Variants in STAU2 observed in about 807,000 individuals in gnomAD.
The protein encoded by STAU2 is staufen double-stranded RNA binding protein 2.
A neutral mutation model predicts 65.9 loss-of-function variants in STAU2; 20 were observed. The ratio of observed to expected loss-of-function variants is 0.30; its 90% CI spans 0.21 to 0.44. The LOEUF is 0.44. Among genes scored for constraint, STAU2 ranks in the 20% least tolerant of loss-of-function variants. The pLI, the probability that STAU2 is intolerant of heterozygous loss-of-function variation, is 1.00. For missense variants in STAU2, 558 were observed against 683.9 expected (o/e 0.82, Z 2.05); for synonymous variants, 232 against 233.9 (o/e 0.99, Z 0.07).
At chr8:73,524,512 G>A (rs1438211907) in intron 13 of STAU2, among the ~76,000 whole-genome samples, 1 of 152,124 alleles carries the variant, frequency 6.6e-6, no homozygotes, top group Non-Finnish European at 1.5e-5. Flanking sequence ...TACAGCAAAT[G>A]AATGCACCAG....
chr8:73,638,048 T>A (rs1260894940), intron 6 of STAU2, among the ~76,000 whole-genome samples: 1 of 152,012 alleles, frequency 6.6e-6, no homozygotes, highest in Non-Finnish European at 1.5e-5. Flanking sequence ...TATTACAGAA[T>A]GATACTTTCT....
chr8:73,590,787 T>G (rs1810718316), intron 11 of STAU2: 1 of 152,506 alleles, frequency 6.6e-6, no homozygotes, highest in Admixed American at 6.5e-5. Flanking sequence ...GGCCCTCAAG[T>G]TCATTAAGAA....
At chr8:73,473,501 C>T (rs1011038289) in intron 13 of STAU2, among the ~76,000 whole-genome samples, 2 of 152,184 alleles carry the variant, frequency 1.3e-5, no homozygotes, top group East Asian at 3.9e-4. Flanking sequence ...GCCTCAAGTC[C>T]AAGCAATGTG....
chr8:73,650,869 TAGA>T lies in STAU2; in HGVS notation c.410+22235_410+22237del, dbSNP rs569163096. On this transcript the variant is annotated intron_variant, in intron 6 of 14. Coordinates refer to ENST00000524300, the MANE Select transcript of STAU2 (RefSeq NM_001164380.2). ...AGACTCTGAAAATAAAGGGCAATAA[TAGA>T]AGAACAGAAAAATATATATGTAAGG... Among the ~76,000 whole-genome samples the T allele has an allele frequency of 1.3e-3, 197 of 152,258 alleles. 2 individuals carry two copies. Among genetic ancestry groups the T allele is most frequent in the Non-Finnish European group, 2.3e-3 (155 of 68,010 alleles).
chr8:73,737,095 G>A (rs1331883369), intron 3 of STAU2, among the ~76,000 whole-genome samples: 1 of 152,060 alleles, frequency 6.6e-6, no homozygotes, highest in African/African-American at 2.4e-5. Flanking sequence ...TTGATCTCCT[G>A]ATCTCAGGTG....
chr8:73,741,300 G>C (rs1400251069), intron 1 of STAU2, among the ~76,000 whole-genome samples: 1 of 73,282 alleles, frequency 1.4e-5, no homozygotes, highest in Non-Finnish European at 2.4e-5. Flanking sequence ...GCAAGACTCC[G>C]TCTCAAAAAA....
At chr8:73,729,907 T>C (rs1805924511) in intron 3 of STAU2, among the ~76,000 whole-genome samples, 2 of 152,226 alleles carry the variant, frequency 1.3e-5, no homozygotes, top group African/African-American at 4.8e-5. Context: ...GTTTTAGTTA[T>C]ACCTATCTGT....
chr8:73,424,201 C>CTTTT lies in STAU2; in HGVS notation c.1531-1503_1531-1500dup, dbSNP rs59063960. 4.6e-3 allele frequency among the ~76,000 whole-genome samples: 526 copies of CTTTT among 115,274 alleles called. 20 individuals carry two copies. The highest frequency in any genetic ancestry group is 0.017 in the African/African-American group (484 of 28,964). The allele number at this position is 115,274 out of a possible 152,430, so 75.6% of individuals were successfully genotyped here. ...ATGTATATTTGAAGCTCCTCTATGT[C>CTTTT]TTTTTTTTTTTTTTTTTTTGACTGA... On this transcript the variant is annotated intron_variant, in intron 13 of 14. Transcript: ENST00000524300.
intron 12 of STAU2, among the ~76,000 whole-genome samples, chr8:73,575,866 A>G (rs1330569447): frequency 6.6e-6 from 1 of 152,126 alleles, no homozygotes; most frequent in Non-Finnish European, 1.5e-5. Flanking sequence ...TGGCCACTGC[A>G]CTAATGAGGA....
intron 13 of STAU2, among the ~76,000 whole-genome samples, chr8:73,535,126 C>T (rs925144915): frequency 2.2e-4 from 34 of 151,958 alleles, no homozygotes; most frequent in African/African-American, 6.5e-4. Flanking sequence ...AACATTCTTA[C>T]TGTAAGTGAC....
intron 13 of STAU2, among the ~76,000 whole-genome samples, chr8:73,475,418 G>C (rs1006911642): frequency 6.6e-6 from 1 of 152,076 alleles, no homozygotes; most frequent in African/African-American, 2.4e-5. Flanking sequence ...GATTTGCTTC[G>C]AGGCTTTGCA....
chr8:73,449,821 G>A (rs184898399), intron 13 of STAU2, among the ~76,000 whole-genome samples: 5 of 152,184 alleles, frequency 3.3e-5, no homozygotes, highest in East Asian at 1.9e-4. Context: ...GGGGTGAGGC[G>A]GGGAGACACC....
intron 4 of STAU2, among the ~76,000 whole-genome samples, chr8:73,703,052 GAAAAT>G (rs1442691017): frequency 6.6e-6 from 1 of 152,158 alleles, no homozygotes; most frequent in African/African-American, 2.4e-5. Context: ...AAGAAATAGA[GAAAAT>G]AAAATAGAGA....
chr8:73,600,591 C>G (rs1811566374), intron 10 of STAU2, among the ~76,000 whole-genome samples: 1 of 152,226 alleles, frequency 6.6e-6, no homozygotes, highest in Non-Finnish European at 1.5e-5. Flanking sequence ...GTTCCCCCAG[C>G]TTCATCAGTC....
intron 13 of STAU2, among the ~76,000 whole-genome samples, chr8:73,542,763 G>A (rs896393004): frequency 6.6e-6 from 1 of 152,056 alleles, no homozygotes; most frequent in African/African-American, 2.4e-5. Context: ...ATATCAATGA[G>A]ACACCATTAT....
intron 6 of STAU2, among the ~76,000 whole-genome samples, chr8:73,632,152 G>A (rs961020179): frequency 5.3e-5 from 8 of 151,976 alleles, no homozygotes; most frequent in East Asian, 1.9e-4. Context: ...AAATATAGAC[G>A]ATTGAAAGCT....
At chr8:73,434,584 C>T (rs972085374) in intron 13 of STAU2, among the ~76,000 whole-genome samples, 1 of 151,854 alleles carries the variant, frequency 6.6e-6, no homozygotes, top group African/African-American at 2.4e-5. Flanking sequence ...TCTCTCTGAG[C>T]CTCTTTTTCA....
intron 3 of STAU2, 45 bp from the exon 4 acceptor site, chr8:73,709,207 C>A (rs1317970903): frequency 7.1e-7 from 1 of 1,416,044 alleles, no homozygotes; most frequent in Non-Finnish European, 9.2e-7. Context: ...AATGACTTTA[C>A]AAAATGGAAG....
At chr8:73,516,439 G>T (rs1211415097) in intron 13 of STAU2, among the ~76,000 whole-genome samples, 1 of 151,894 alleles carries the variant, frequency 6.6e-6, no homozygotes, top group Non-Finnish European at 1.5e-5. Flanking sequence ...GTTTAAAAAT[G>T]CCTTCAAATT....
Sources: gnomAD v4.1 joint callset for allele counts (sites outside exome capture counted in the v4.1 genomes callset) on GRCh38, gnomAD v4.1.1 for gene constraint, MANE v1.5 for transcripts, NCBI Gene and HGNC (gene_info 2026-07-23, HGNC 2026-07-21) for gene names.